The following MTHFD2 variants were observed in gnomAD, a reference collection of about 807,000 sequenced individuals.
MTHFD2 encodes the protein bifunctional methylenetetrahydrofolate dehydrogenase/cyclohydrolase, mitochondrial.
Under a neutral mutation model 36.8 loss-of-function variants are expected in MTHFD2, and 26 were observed. That is an observed-to-expected ratio of 0.71 (90% CI 0.52 to 0.98). The LOEUF (loss-of-function observed/expected upper bound fraction) is 0.98. Ranked by LOEUF, MTHFD2 falls within the 50% of genes least tolerant of loss-of-function variation. The pLI is 0.00. For missense variants in MTHFD2, 373 were observed against 434.0 expected (o/e 0.86, Z 1.25); for synonymous variants, 164 against 155.2 (o/e 1.06, Z -0.42).
rs1189718694 is a variant in MTHFD2, at chr2:74,216,162, G to A, written c.*1920G>A. On this transcript the variant is annotated 3_prime_UTR_variant, in exon 8 of 8. Coordinates refer to ENST00000394053, the MANE Select transcript of MTHFD2 (RefSeq NM_006636.4). ...TTTAAAGAAGTTTAGATAGTTTGCT[G>A]GAGATGTTTTTGTAAGTGACGTATA... The A allele has an allele frequency of 6.6e-6, 1 of 152,188 alleles. No homozygotes were observed. Among genetic ancestry groups the A allele is most frequent in the Non-Finnish European group, 1.5e-5 (1 of 68,032 alleles). The allele number at this position is 152,188 out of a possible 1,614,324, so 9.4% of individuals were successfully genotyped here.
At chr2:74,207,031 C>T (rs11902541) in intron 2 of MTHFD2, among the ~76,000 whole-genome samples, 1,967 of 151,762 alleles carry the variant, frequency 0.013, 36 homozygotes, top group African/African-American at 0.045. Context: ...CCTGGCCAAG[C>T]CATGGCATTT....
intron 4 of MTHFD2, 38 bp downstream of exon 4, chr2:74,208,759 T>C: frequency 6.3e-7 from 1 of 1,598,916 alleles, no homozygotes; most frequent in Non-Finnish European, 8.6e-7. Context: ...GTGTTAATAT[T>C]ATAAAAGTAG....
In MTHFD2 at chr2:74,214,151, TGAA is replaced by T. The variant is rs1174114483; in HGVS notation, c.966_968del (p.Lys322del). 8.7e-6 allele frequency: 14 copies of T among 1,614,118 alleles called. No individual in the cohort carries two copies. Among genetic ancestry groups the T allele is most frequent in the Non-Finnish European group, 1.2e-5 (14 of 1,179,988 alleles). Reference sequence around the variant, plus strand: ...GGCCCCATGACAGTGGCAATGCTAATGAAGAATACCATTATTGCTGCAAAAAAG... The same window carrying T: ...GGCCCCATGACAGTGGCAATGCTAATGAATACCATTATTGCTGCAAAAAAG... On this transcript the variant is annotated inframe_deletion, in exon 8 of 8. Coordinates refer to ENST00000394053, the MANE Select transcript of MTHFD2 (RefSeq NM_006636.4).
intron 1 of MTHFD2, among the ~76,000 whole-genome samples, chr2:74,203,800 C>CT (rs1250081336): frequency 6.7e-6 from 1 of 149,232 alleles, no homozygotes; most frequent in Non-Finnish European, 1.5e-5. Context: ...AAGGGAAAGG[C>CT]TTTTTTTAAT....
intron 1 of MTHFD2, among the ~76,000 whole-genome samples, chr2:74,203,192 G>A (rs1694081397): frequency 1.3e-5 from 2 of 152,072 alleles, no homozygotes; most frequent in African/African-American, 4.8e-5. Context: ...TTTTAGTAGA[G>A]GCGGGGTTTT....
At chr2:74,198,854 C>T in intron 1 of MTHFD2, 112 bp downstream of exon 1, 1 of 1,052,636 alleles carries the variant, frequency 9.5e-7, no homozygotes, top group Non-Finnish European at 1.3e-6. Flanking sequence ...ACATCTCCGC[C>T]CCGGCGGTGG....
chr2:74,206,718 T>A (rs986634088), intron 2 of MTHFD2: 3 of 152,106 alleles, frequency 2.0e-5, no homozygotes, highest in Non-Finnish European at 2.9e-5. Flanking sequence ...CATTTTGTTT[T>A]GTTTTTTGAG....
intron 5 of MTHFD2, among the ~76,000 whole-genome samples, chr2:74,210,785 G>GGTTTTTTTTTTTT (rs1553449045): frequency 7.6e-6 from 1 of 132,068 alleles, no homozygotes; most frequent in African/African-American, 2.9e-5. Context: ...CATTAAGTCA[G>GGTTTTTTTTTTTT]TTTTTTTTTT....
At position 74,211,737 on chromosome 2, in the gene MTHFD2, C is replaced by T; in HGVS notation, c.764-4C>T. 1 of 1,602,344 alleles carries T rather than the reference C, an allele frequency of 6.2e-7. No individual in the cohort carries two copies. On this transcript the variant is annotated splice_polypyrimidine_tract_variant and splice_region_variant and intron_variant, in intron 6 of 7. Transcript: ENST00000394053. ...AAGTTGATCTTTCCTTTCTCCATTT[C>T]CAGGTATTCCAAATCTGATCACAGC...
chr2:74,211,919 A>G (rs572022957), intron 7 of MTHFD2, 53 bp downstream of exon 7: 76 of 1,314,000 alleles, frequency 5.8e-5, no homozygotes, highest in Middle Eastern at 5.5e-4. Flanking sequence ...ACTACCTTTC[A>G]TGGACATTTA....
chr2:74,203,590 A>T (rs1044518953), intron 1 of MTHFD2, among the ~76,000 whole-genome samples: 1 of 152,152 alleles, frequency 6.6e-6, no homozygotes, highest in African/African-American at 2.4e-5. Context: ...GTGAGCTGAG[A>T]TTGCTCCAGC....
intron 5 of MTHFD2, among the ~76,000 whole-genome samples, chr2:74,210,979 G>C (rs1044874103): frequency 6.6e-5 from 10 of 152,162 alleles, no homozygotes; most frequent in Admixed American, 4.6e-4. Context: ...TAGAGACGGG[G>C]TTTCACCATG....
At chr2:74,211,412 C>A in intron 6 of MTHFD2, 121 bp downstream of exon 6, 1 of 660,650 alleles carries the variant, frequency 1.5e-6, no homozygotes. Flanking sequence ...ATTCTTTGAG[C>A]TGCCTACAAA....
At chr2:74,210,785 G>GTTTTTTTT (rs71406865) in intron 5 of MTHFD2, among the ~76,000 whole-genome samples, 5 of 132,070 alleles carry the variant, frequency 3.8e-5, no homozygotes, top group African/African-American at 5.8e-5. Context: ...CATTAAGTCA[G>GTTTTTTTT]TTTTTTTTTT....
At chr2:74,207,121 C>T (rs1694202857) in intron 2 of MTHFD2, among the ~76,000 whole-genome samples, 1 of 151,888 alleles carries the variant, frequency 6.6e-6, no homozygotes, top group Non-Finnish European at 1.5e-5. Context: ...ATTATTAGCT[C>T]GCTTATTTAT....
chr2:74,206,093 G>C, intron 2 of MTHFD2: 3 of 460,326 alleles, frequency 6.5e-6, no homozygotes, highest in Non-Finnish European at 1.2e-5. Flanking sequence ...ATACTGGTTG[G>C]TATTCTCTGT....
chr2:74,209,304 G>A (rs184917836), intron 4 of MTHFD2, among the ~76,000 whole-genome samples: 36 of 150,688 alleles, frequency 2.4e-4, no homozygotes, highest in African/African-American at 8.3e-4. Context: ...GTGCAGTGGC[G>A]TGATCTCGAC....
intron 6 of MTHFD2, 134 bp from the exon 7 acceptor site, chr2:74,211,607 G>C: frequency 1.2e-6 from 1 of 850,014 alleles, no homozygotes; most frequent in South Asian, 3.3e-5. Flanking sequence ...TAGTTCCTTA[G>C]TTAATATTTT....
Position 74,216,092 on chromosome 2 carries a change from C to T in MTHFD2, c.*1850C>T, listed in dbSNP as rs778535657. The stretch of plus-strand genomic sequence containing the variant: ...AATTGAGTTGACCTACCTCCGTCCT[C>T]GTTCTTCTGCCAGCTGGCGTTATTC... On this transcript the variant is annotated 3_prime_UTR_variant, in exon 8 of 8. Transcript: ENST00000394053. 2.0e-5 allele frequency: 3 copies of T among 152,232 alleles called. No homozygotes were observed. The highest frequency in any genetic ancestry group is 4.8e-5 in the African/African-American group (2 of 41,456). 9.4% of individuals were successfully genotyped at this position (152,232 alleles called of 1,614,324 possible). A position where few individuals can be genotyped will look rare whatever the true frequency, so the allele number is the denominator to read the frequency against.
Sources: allele counts gnomAD v4.1 joint callset (sites outside exome capture counted in the v4.1 genomes callset), GRCh38; gene constraint gnomAD v4.1.1; transcripts MANE v1.5; gene names NCBI Gene and HGNC (gene_info 2026-07-23, HGNC 2026-07-21).